NEK11: variants seen among roughly 807,000 people sequenced by gnomAD.
NEK11 encodes NIMA related kinase 11.
NEK11 carries 72 observed loss-of-function variants against 80.7 expected under a neutral mutation model. The ratio of observed to expected loss-of-function variants is 0.89; its 90% CI spans 0.74 to 1.08. The LOEUF (loss-of-function observed/expected upper bound fraction) is 1.08. Ranked by LOEUF, NEK11 falls within the 50% of genes least tolerant of loss-of-function variation. The pLI, the probability that NEK11 is intolerant of heterozygous loss-of-function variation, is 0.00. For synonymous variants in NEK11, 251 were observed against 260.7 expected (o/e 0.96, Z 0.36); for missense variants, 764 against 763.6 (o/e 1.00, Z -0.01).
intron 14 of NEK11, among the ~76,000 whole-genome samples, chr3:131,220,202 CAA>C (rs1388794402): frequency 6.6e-6 from 1 of 152,176 alleles, no homozygotes; most frequent in Admixed American, 6.5e-5. Flanking sequence ...CAACTCAGCA[CAA>C]TGCCTATGTC....
intron 15 of NEK11, among the ~76,000 whole-genome samples, chr3:131,234,080 G>T (rs938139632): frequency 1.3e-5 from 2 of 152,224 alleles, no homozygotes; most frequent in Non-Finnish European, 2.9e-5. Context: ...CAAGGGAATA[G>T]CTGCAGGGCC....
intron 16 of NEK11, among the ~76,000 whole-genome samples, chr3:131,272,463 C>CTTTTTTTTTCTTTTT (rs2096211646): frequency 2.3e-5 from 1 of 43,884 alleles, no homozygotes; most frequent in Non-Finnish European, 4.1e-5. Context: ...GTTTTAGCTT[C>CTTTTTTTTTCTTTTT]TTTTTTTTTT....
chr3:131,216,260 A>G (rs2094829708), intron 14 of NEK11, among the ~76,000 whole-genome samples: 1 of 152,214 alleles, frequency 6.6e-6, no homozygotes, highest in Non-Finnish European at 1.5e-5. Context: ...CAGCCCAATC[A>G]GAGTCTTTTG....
At chr3:131,103,951 T>C (rs989548547) in intron 4 of NEK11, among the ~76,000 whole-genome samples, 1 of 152,202 alleles carries the variant, frequency 6.6e-6, no homozygotes, top group African/African-American at 2.4e-5. Flanking sequence ...GCATACAGCC[T>C]GCCAGTTACC....
Position 131,080,565 on chromosome 3 carries a change from T to C in NEK11, c.313T>C (p.Cys105Arg). ...AAGTTTTGTGGAGCAAGATAATTTC[T>C]GCATTATCACGGAGTACTGTGAGGT... is the stretch of plus-strand genomic sequence containing the variant. ...HASFVEQDNFCIITEYCEGRD... is the reference protein window; with the variant it reads ...HASFVEQDNFRIITEYCEGRD... Residue 105 changes from cysteine to arginine, a missense_variant, in exon 4 of 18, where the codon TGC (cysteine) becomes CGC (arginine). Physicochemically the swap from Cys to Arg is radical, Grantham distance 180. Transcript: ENST00000383366. The C allele has an allele frequency of 6.2e-7, 1 of 1,613,168 alleles. No homozygotes were observed. The highest frequency in any genetic ancestry group is 8.5e-7 in the Non-Finnish European group (1 of 1,179,774).
chr3:131,248,132 G>A (rs2095636833), intron 16 of NEK11, among the ~76,000 whole-genome samples: 1 of 151,988 alleles, frequency 6.6e-6, no homozygotes. Flanking sequence ...GTACTGTGTG[G>A]AACAGGAGTA....
intron 16 of NEK11, among the ~76,000 whole-genome samples, chr3:131,244,572 A>G (rs773912357): frequency 2.0e-5 from 3 of 151,936 alleles, no homozygotes; most frequent in South Asian, 2.1e-4. Context: ...GCTCATCTCT[A>G]TTTTTCCAGA....
At chr3:131,052,142 T>G (rs2068536071) in intron 3 of NEK11, among the ~76,000 whole-genome samples, 1 of 151,406 alleles carries the variant, frequency 6.6e-6, no homozygotes, top group Non-Finnish European at 1.5e-5. Flanking sequence ...TTGTTTTTTT[T>G]TTTTTTGCTT....
At chr3:131,125,912 G>A (rs1378742691) in intron 5 of NEK11, among the ~76,000 whole-genome samples, 2 of 152,178 alleles carry the variant, frequency 1.3e-5, no homozygotes, top group Non-Finnish European at 2.9e-5. Context: ...GAAATCTCTA[G>A]CAGGCCACAT....
intron 17 of NEK11, among the ~76,000 whole-genome samples, chr3:131,334,060 G>T (rs1582216003): frequency 6.6e-6 from 1 of 152,116 alleles, no homozygotes; most frequent in East Asian, 1.9e-4. Context: ...ACAGATCAAT[G>T]AGACAGAAAG....
At chr3:131,281,944 A>T (rs2108824285) in intron 17 of NEK11, among the ~76,000 whole-genome samples, 1 of 152,312 alleles carries the variant, frequency 6.6e-6, no homozygotes, top group East Asian at 1.9e-4. Context: ...ACTTGAGATT[A>T]AAGTGCACAA....
intron 3 of NEK11, among the ~76,000 whole-genome samples, chr3:131,045,682 G>T (rs2067270549): frequency 6.6e-6 from 1 of 152,094 alleles, no homozygotes; most frequent in Non-Finnish European, 1.5e-5. Context: ...TTGCTGACCT[G>T]TCTATTGCTG....
At chr3:131,180,262 G>C (rs2093274168) in intron 14 of NEK11, among the ~76,000 whole-genome samples, 1 of 152,166 alleles carries the variant, frequency 6.6e-6, no homozygotes, top group Non-Finnish European at 1.5e-5. Flanking sequence ...CCAAGGAGGA[G>C]AGAATCAGAT....
intron 3 of NEK11, among the ~76,000 whole-genome samples, chr3:131,062,189 T>C (rs2071007811): frequency 1.3e-5 from 2 of 152,168 alleles, no homozygotes; most frequent in Non-Finnish European, 2.9e-5. Flanking sequence ...TGACAGAACA[T>C]GTGTGTAGCA....
chr3:131,298,386 T>C (rs2096624335), intron 17 of NEK11, among the ~76,000 whole-genome samples: 1 of 152,222 alleles, frequency 6.6e-6, no homozygotes, highest in Non-Finnish European at 1.5e-5. Context: ...TTCACGTCCC[T>C]TGTAAGTTGG....
intron 7 of NEK11, among the ~76,000 whole-genome samples, chr3:131,138,689 C>T (rs1176301815): frequency 1.3e-5 from 2 of 152,124 alleles, no homozygotes; most frequent in Non-Finnish European, 2.9e-5. Context: ...AATACAGAGA[C>T]CCCATTTGTT....
chr3:131,121,990 G>C (rs568203195), intron 5 of NEK11, among the ~76,000 whole-genome samples: 106 of 152,296 alleles, frequency 7.0e-4, no homozygotes, highest in Non-Finnish European at 1.4e-3. Context: ...TGCACCCACT[G>C]TCCAGCAAGC....
At chr3:131,312,562 G>A (rs925365730) in intron 17 of NEK11, among the ~76,000 whole-genome samples, 1 of 152,116 alleles carries the variant, frequency 6.6e-6, no homozygotes, top group Non-Finnish European at 1.5e-5. Context: ...CTTCCTCTGA[G>A]GAATCTATTC....
chr3:131,036,174 C>T (rs536759607), intron 3 of NEK11, among the ~76,000 whole-genome samples: 1 of 152,172 alleles, frequency 6.6e-6, no homozygotes, highest in Non-Finnish European at 1.5e-5. Context: ...TTCACTGAAC[C>T]CTTTCTGTGC....
Sources: gnomAD v4.1 joint callset for allele counts (sites outside exome capture counted in the v4.1 genomes callset) on GRCh38, gnomAD v4.1.1 for gene constraint, MANE v1.5 for transcripts, NCBI Gene and HGNC (gene_info 2026-07-23, HGNC 2026-07-21) for gene names.